The following GABRA3 variants were observed in gnomAD, a reference collection of about 807,000 sequenced individuals.
GABRA3 encodes the protein gamma-aminobutyric acid type A receptor subunit alpha3, also known as gamma-aminobutyric acid receptor subunit alpha-3.
GABRA3 carries 10 observed loss-of-function variants against 30.1 expected under a neutral mutation model. That is an observed-to-expected ratio of 0.33 (90% CI 0.20 to 0.56). The LOEUF (loss-of-function observed/expected upper bound fraction) is 0.56. Among genes scored for constraint, GABRA3 ranks in the 20% least tolerant of loss-of-function variants. The probability of loss-of-function intolerance (pLI) is 0.89; values close to 1 mark genes in which losing one functional copy is unlikely to be tolerated. For missense variants in GABRA3, 233 were observed against 392.0 expected, an observed-to-expected ratio of 0.59 and a Z score of 3.42; for synonymous variants, 151 against 146.8, an observed-to-expected ratio of 1.03 and a Z score of -0.21.
intron 1 of GABRA3, among the ~76,000 whole-genome samples, chrX:152,444,222 G>A (rs1211702360): frequency 2.7e-5 from 3 of 111,075 alleles, no homozygotes; most frequent in Non-Finnish European, 5.7e-5. Context: ...TTAAAGTACT[G>A]GGTCCCGTTT....
chrX:152,319,403 G>C (rs1217130710), intron 3 of GABRA3, among the ~76,000 whole-genome samples: 1 of 111,825 alleles, frequency 8.9e-6, no homozygotes, highest in East Asian at 2.8e-4. Flanking sequence ...GGACAAAATA[G>C]AGAACCCAGA....
At chrX:152,402,884 ATTG>A (rs1471425972) in intron 1 of GABRA3, among the ~76,000 whole-genome samples, 1 of 112,005 alleles carries the variant, frequency 8.9e-6, no homozygotes, top group African/African-American at 3.2e-5. Flanking sequence ...TATGCACTGT[ATTG>A]TTGTCCACTT....
At chrX:152,182,674 C>CTATATATGTATATATAGTG (rs1569348568) in intron 9 of GABRA3, among the ~76,000 whole-genome samples, 4 of 17,955 alleles carry the variant, frequency 2.2e-4, no homozygotes, top group Non-Finnish European at 3.3e-4. Context: ...TATATATACA[C>CTATATATGTATATATAGTG]TATATATACA....
intron 6 of GABRA3, among the ~76,000 whole-genome samples, chrX:152,215,912 A>T (rs1385457953): frequency 9.0e-6 from 1 of 111,512 alleles, no homozygotes; most frequent in East Asian, 2.8e-4. Flanking sequence ...ATCTGATTTT[A>T]AAAATGGGCA....
chrX:152,182,314 C>T (rs6627214), intron 9 of GABRA3, among the ~76,000 whole-genome samples: 919 of 85,815 alleles, frequency 0.011, 5 homozygotes, highest in Middle Eastern at 0.029. Flanking sequence ...TATATATATA[C>T]ACACACACAC....
intron 5 of GABRA3, among the ~76,000 whole-genome samples, chrX:152,225,682 T>A (rs1281763087): frequency 9.0e-6 from 1 of 110,557 alleles, no homozygotes; most frequent in Non-Finnish European, 1.9e-5. Flanking sequence ...CTTCTGATTT[T>A]TTTTTTTTTA....
At position 152,212,324 on chromosome X, in the gene GABRA3, AAAAAAAAT is replaced by A. The variant is rs1379160528; in HGVS notation, c.635-4188_635-4181del. 4.5e-3 allele frequency among the ~76,000 whole-genome samples: 296 copies of A among 65,654 alleles called. 52 individuals carry two copies. Among genetic ancestry groups the A allele is most frequent in the East Asian group, 0.011 (18 of 1,628 alleles). 57.0% of individuals were successfully genotyped at this position (65,654 alleles called of 115,157 possible). ...AAAAAAAAAAAAAAAAAAAAAAAAAAAAAAAAATTCCAAATTGCCTACCCTAAGAACTA... is the reference window on the plus strand; with the variant it reads ...AAAAAAAAAAAAAAAAAAAAAAAAAATCCAAATTGCCTACCCTAAGAACTA... On this transcript the variant is annotated intron_variant, in intron 6 of 9. Transcript: ENST00000370314.
At chrX:152,368,603 A>C (rs2124497514) in intron 1 of GABRA3, among the ~76,000 whole-genome samples, 1 of 111,123 alleles carries the variant, frequency 9.0e-6, no homozygotes, top group African/African-American at 3.3e-5. Context: ...TTAACATGGA[A>C]GTGCATATAT....
intron 3 of GABRA3, among the ~76,000 whole-genome samples, chrX:152,290,887 A>T (rs776396438): frequency 4.0e-4 from 45 of 111,802 alleles, no homozygotes; most frequent in Non-Finnish European, 7.5e-4. Flanking sequence ...CTGTTTTGGT[A>T]CCAGTAACAT....
intron 3 of GABRA3, among the ~76,000 whole-genome samples, chrX:152,341,562 T>G (rs1464865290): frequency 9.4e-6 from 1 of 106,190 alleles, no homozygotes; most frequent in African/African-American, 3.5e-5. Flanking sequence ...TTTTTTTTTT[T>G]TTGAGTCTTG....
intron 5 of GABRA3, among the ~76,000 whole-genome samples, chrX:152,230,418 T>C (rs1938044925): frequency 9.0e-6 from 1 of 111,354 alleles, no homozygotes; most frequent in African/African-American, 3.3e-5. Flanking sequence ...AATTGCTCTA[T>C]ATATTCAACA....
At chrX:152,331,616 G>C (rs767582942) in intron 3 of GABRA3, among the ~76,000 whole-genome samples, 3 of 111,658 alleles carry the variant, frequency 2.7e-5, no homozygotes, top group African/African-American at 9.8e-5. Flanking sequence ...TGCACAGTAG[G>C]GGCCCAAGTA....
intron 3 of GABRA3, among the ~76,000 whole-genome samples, chrX:152,292,856 C>T (rs781621582): frequency 5.4e-5 from 6 of 111,654 alleles, no homozygotes; most frequent in East Asian, 2.8e-4. Flanking sequence ...CGTAGCTGTG[C>T]GGTTTTGAGT....
chrX:152,372,626 G>C (rs1313593273), intron 1 of GABRA3, among the ~76,000 whole-genome samples: 1 of 111,715 alleles, frequency 9.0e-6, no homozygotes, highest in Admixed American at 9.6e-5. Context: ...GAAAAAAAGA[G>C]TGAATTTTTT....
At chrX:152,270,800 A>G (rs1036086089) in intron 4 of GABRA3, among the ~76,000 whole-genome samples, 8 of 107,930 alleles carry the variant, frequency 7.4e-5, no homozygotes, top group African/African-American at 2.7e-4. Context: ...GGTTGCAGTG[A>G]GCCAAGAACG....
intron 9 of GABRA3, among the ~76,000 whole-genome samples, chrX:152,173,142 G>A (rs1428111351): frequency 9.1e-6 from 1 of 110,430 alleles, no homozygotes; most frequent in East Asian, 2.9e-4. Flanking sequence ...GAGTTCAAGA[G>A]AAGGAAGAAT....
chrX:152,329,284 T>C (rs967643287), intron 3 of GABRA3, among the ~76,000 whole-genome samples: 5 of 111,597 alleles, frequency 4.5e-5, no homozygotes, highest in Non-Finnish European at 7.5e-5. Flanking sequence ...AGGTAATTTA[T>C]AGATTCAATG....
At chrX:152,169,822 C>T (rs1261905724) in intron 9 of GABRA3, among the ~76,000 whole-genome samples, 1 of 111,308 alleles carries the variant, frequency 9.0e-6, no homozygotes, top group Non-Finnish European at 1.9e-5. Flanking sequence ...CTTCTTTATT[C>T]CTTCACTTCC....
intron 9 of GABRA3, among the ~76,000 whole-genome samples, chrX:152,174,206 T>C (rs1397764896): frequency 2.7e-5 from 3 of 110,976 alleles, no homozygotes; most frequent in East Asian, 5.7e-4. Context: ...GACATTTGGG[T>C]TGGTTCCAAG....
Sources: gnomAD v4.1 joint callset for allele counts (sites outside exome capture counted in the v4.1 genomes callset) on GRCh38, gnomAD v4.1.1 for gene constraint, MANE v1.5 for transcripts, NCBI Gene and HGNC (gene_info 2026-07-23, HGNC 2026-07-21) for gene names.